Variants in TUBGCP3 observed in about 807,000 individuals in gnomAD.
TUBGCP3 encodes gamma-tubulin complex component 3.
In TUBGCP3, 50 loss-of-function variants were observed where a neutral mutation model predicts 123.1. That is an observed-to-expected ratio of 0.41 (90% confidence interval 0.32 to 0.51). TUBGCP3 has a LOEUF of 0.51. Ranked by LOEUF, TUBGCP3 falls within the 20% of genes least tolerant of loss-of-function variation. TUBGCP3 has a pLI of 0.36. For missense variants in TUBGCP3, 882 were observed against 1,127.0 expected (o/e 0.78, Z 3.11); for synonymous variants, 405 against 413.9 (o/e 0.98, Z 0.26).
At chr13:112,517,653 G>T (rs1441045847) in intron 16 of TUBGCP3, among the ~76,000 whole-genome samples, 1 of 152,206 alleles carries the variant, frequency 6.6e-6, no homozygotes, top group East Asian at 1.9e-4. Context: ...AGCACTTTGG[G>T]AGGGAGGCAG....
In TUBGCP3 at chr13:112,558,317, A is replaced by G. The variant is rs369019947; in HGVS notation, c.427T>C (p.Tyr143His). 5 of 1,613,994 alleles carry G rather than the reference A, an allele frequency of 3.1e-6. No individual in the cohort carries two copies. Among genetic ancestry groups the G allele is most frequent in the Non-Finnish European group, 4.2e-6 (5 of 1,180,012 alleles). ...YARPQTLPLS[Y>H]QDRSAQSAQS... ...GCTGACTGGGCACTCCGATCTTGGT[A>G]GCTCAGGGGAAGGGTCTGAGGCCTG... Residue 143 changes from tyrosine (Y) to histidine (H), a missense_variant, in exon 5 of 22, where the codon TAC (tyrosine) becomes CAC (histidine). Transcript: ENST00000261965.
In TUBGCP3 at chr13:112,569,267, A is replaced by T. The variant is rs757121007; in HGVS notation, c.77-8T>A. 12 of 1,614,014 alleles carry T rather than the reference A, an allele frequency of 7.4e-6. No homozygotes were observed. The highest frequency in any genetic ancestry group is 1.6e-4 in the Middle Eastern group (1 of 6,062). On this transcript the variant is annotated splice_region_variant and splice_polypyrimidine_tract_variant and intron_variant, in intron 1 of 21. Coordinates refer to ENST00000261965, the MANE Select transcript of TUBGCP3 (RefSeq NM_006322.6). ...ACTGCTGGGCTACATCAGCTGAAAG[A>T]CAAACAAAAGGATGCGGATTGTTAC... is the stretch of plus-strand genomic sequence containing the variant.
intron 1 of TUBGCP3, among the ~76,000 whole-genome samples, chr13:112,578,639 C>G: frequency 6.6e-6 from 1 of 150,962 alleles, no homozygotes; most frequent in East Asian, 1.9e-4. Context: ...ATCATCACAC[C>G]TGTAAATCAT....
rs200776198 is a variant in TUBGCP3 at position 112,554,022 on chromosome 13, G to A, written c.966+35C>T. The A allele has an allele frequency of 1.9e-5, 31 of 1,599,146 alleles. 1 individual carries two copies. The East Asian group carries it at 2.2e-4, about 12-fold the overall frequency. ...CTAGAGTAAGCGTTTCCCAAAGTGCGCAGCATCCCAGCATCCTAGGAACCA... is the reference window on the plus strand; with the variant it reads ...CTAGAGTAAGCGTTTCCCAAAGTGCACAGCATCCCAGCATCCTAGGAACCA... On this transcript the variant is annotated intron_variant, in intron 8 of 21. Coordinates refer to ENST00000261965, the MANE Select transcript of TUBGCP3 (RefSeq NM_006322.6).
chr13:112,515,313 T>C (rs932766194), intron 17 of TUBGCP3, among the ~76,000 whole-genome samples: 5 of 152,162 alleles, frequency 3.3e-5, no homozygotes, highest in Non-Finnish European at 7.3e-5. Context: ...GGCCTTGAAT[T>C]GGTCTAAATC....
intron 8 of TUBGCP3, among the ~76,000 whole-genome samples, chr13:112,551,314 T>A (rs368813653): frequency 6.6e-6 from 1 of 152,212 alleles, no homozygotes; most frequent in Non-Finnish European, 1.5e-5. Context: ...GTTCATTAAA[T>A]GCACATGTAA....
chr13:112,591,362 A>G (rs1212229478), upstream of TUBGCP3, among the ~76,000 whole-genome samples: 1 of 152,256 alleles, frequency 6.6e-6, no homozygotes, highest in Non-Finnish European at 1.5e-5. Flanking sequence ...ACACCTGACC[A>G]GGCCTGTATC....
chr13:112,486,650 T>C (rs1879691164), intron 21 of TUBGCP3, among the ~76,000 whole-genome samples: 2 of 152,252 alleles, frequency 1.3e-5, no homozygotes, highest in African/African-American at 2.4e-5. Flanking sequence ...GCCCTCTTCA[T>C]GGGCACTGGC....
intron 11 of TUBGCP3, among the ~76,000 whole-genome samples, chr13:112,529,790 T>G (rs1877429557): frequency 1.3e-5 from 2 of 152,254 alleles, no homozygotes; most frequent in Non-Finnish European, 2.9e-5. Flanking sequence ...TGCCCTGTGA[T>G]GCATGGCAGC....
At position 112,527,049 on chromosome 13, in the gene TUBGCP3, A is replaced by C. The variant is rs1470065501; in HGVS notation, c.1448T>G (p.Val483Gly). The change falls in exon 13 of 22, where the codon GTC (valine) becomes GGC (glycine). Residue 483 changes from valine to glycine, a missense_variant and splice_region_variant. Coordinates refer to ENST00000261965, the MANE Select transcript of TUBGCP3 (RefSeq NM_006322.6). ...SFMTMDQSRK[V>G]LLIGKSINFL... ...ATTTATTGATTTTCCTATCAAAAGG[A>C]CCTAAAAAGAAAAACATTCTATGAT... 4.3e-6 allele frequency: 7 copies of C among 1,610,552 alleles called. 1 individual carries two copies. Among genetic ancestry groups the C allele is most frequent in the Non-Finnish European group, 5.9e-6 (7 of 1,176,938 alleles).
chr13:112,578,029 A>G (rs1005055315), intron 1 of TUBGCP3, among the ~76,000 whole-genome samples: 22 of 152,314 alleles, frequency 1.4e-4, no homozygotes, highest in Middle Eastern at 3.4e-3. Context: ...TGTCTGACTA[A>G]CGTAAAAGAG....
At chr13:112,541,919 G>A (rs371833257) in intron 11 of TUBGCP3, among the ~76,000 whole-genome samples, 2 of 152,138 alleles carry the variant, frequency 1.3e-5, no homozygotes, top group East Asian at 3.9e-4. Flanking sequence ...TAAATAAAAA[G>A]GTAAACTTTC....
intron 6 of TUBGCP3, 124 bp from the exon 7 acceptor site, chr13:112,555,129 A>T: frequency 1.6e-6 from 1 of 620,930 alleles, no homozygotes; most frequent in Non-Finnish European, 2.8e-6. Context: ...AACTCAATAA[A>T]TAAGCTCAAG....
Position 112,587,582 on chromosome 13 carries a change from G to A in TUBGCP3, c.76+323C>T, listed in dbSNP as rs2139349594. On this transcript the variant is annotated intron_variant, in intron 1 of 21. Coordinates refer to ENST00000261965, the MANE Select transcript of TUBGCP3 (RefSeq NM_006322.6). ...CCCGTCCTCACTGACGGACCCGCGA[G>A]CGGAGTGAGCGGTGACTCAGCCCGC... 1.3e-5 allele frequency among the ~76,000 whole-genome samples: 2 copies of A among 152,368 alleles called. 1 individual carries two copies. Among genetic ancestry groups the A allele is most frequent in the South Asian group, 4.1e-4 (2 of 4,832 alleles).
chr13:112,515,217 C>A (rs1224756189), intron 17 of TUBGCP3, among the ~76,000 whole-genome samples: 1 of 152,136 alleles, frequency 6.6e-6, no homozygotes, highest in Admixed American at 6.5e-5. Flanking sequence ...AAAACTATAT[C>A]GCAACCAGCC....
chr13:112,595,033 C>T, the TUBGCP3 span, among the ~76,000 whole-genome samples: 1 of 152,068 alleles, frequency 6.6e-6, no homozygotes, highest in Non-Finnish European at 1.5e-5. Context: ...TGTTGTTGAT[C>T]GCCATGTTCT....
intron 11 of TUBGCP3, among the ~76,000 whole-genome samples, chr13:112,537,661 C>CT (rs1488644510): frequency 6.6e-6 from 1 of 152,028 alleles, no homozygotes; most frequent in African/African-American, 2.4e-5. Flanking sequence ...CCATCCTATT[C>CT]TATTTTTTTA....
chr13:112,555,053 C>A, intron 6 of TUBGCP3, 48 bp from the exon 7 acceptor site: 2 of 1,208,114 alleles, frequency 1.7e-6, no homozygotes, highest in Non-Finnish European at 2.4e-6. Flanking sequence ...AATATTTTAA[C>A]AGACAATAGA....
At chr13:112,526,383 T>C (rs1332122541) in intron 13 of TUBGCP3, among the ~76,000 whole-genome samples, 13 of 89,220 alleles carry the variant, frequency 1.5e-4, no homozygotes, top group East Asian at 3.8e-4. Flanking sequence ...TCACCATCAT[T>C]ACCACCATCA....
Sources: gnomAD v4.1 joint callset for allele counts (sites outside exome capture counted in the v4.1 genomes callset) on GRCh38, gnomAD v4.1.1 for gene constraint, MANE v1.5 for transcripts, NCBI Gene and HGNC (gene_info 2026-07-23, HGNC 2026-07-21) for gene names.